Variants in NEBL observed in about 807,000 individuals in gnomAD.
NEBL encodes the protein LIM and SH3 protein 2.
A neutral mutation model predicts 140.2 loss-of-function variants in NEBL; 122 were observed. The observed-to-expected ratio is 0.87, with a 90% CI of 0.75 to 1.01. The LOEUF is 1.01. Ranked by LOEUF, NEBL falls within the 50% of genes least tolerant of loss-of-function variation. The pLI is 0.00. For synonymous variants in NEBL, 436 were observed against 398.9 expected, an observed-to-expected ratio of 1.09 and a Z score of -1.11; for missense variants, 1,365 against 1,231.3, an observed-to-expected ratio of 1.11 and a Z score of -1.62.
chr10:20,866,062 A>G (rs1456211718), intron 7 of NEBL, among the ~76,000 whole-genome samples: 1 of 152,152 alleles, frequency 6.6e-6, no homozygotes, highest in Admixed American at 6.6e-5. Flanking sequence ...ATCTTCAGTG[A>G]TGTCTTCTTT....
chr10:20,792,897 T>C (rs774003974), intron 26 of NEBL, among the ~76,000 whole-genome samples: 3 of 151,964 alleles, frequency 2.0e-5, no homozygotes, highest in Admixed American at 6.6e-5. Flanking sequence ...ACCTTTCTGC[T>C]CAAATTGCTT....
intron 2 of NEBL, among the ~76,000 whole-genome samples, chr10:21,117,667 C>T (rs1231913915): frequency 2.0e-5 from 3 of 152,098 alleles, no homozygotes; most frequent in Admixed American, 6.6e-5. Flanking sequence ...TAGTATGTTA[C>T]GTTGAGAGAG....
intron 2 of NEBL, among the ~76,000 whole-genome samples, chr10:21,148,899 C>T (rs1201464644): frequency 6.6e-6 from 1 of 152,170 alleles, no homozygotes; most frequent in Non-Finnish European, 1.5e-5. Context: ...TCTCACCTTC[C>T]CCTACCTTTC....
intron 2 of NEBL, chr10:21,030,446 A>C (rs544532526): frequency 8.9e-5 from 61 of 683,550 alleles, no homozygotes; most frequent in Non-Finnish European, 1.4e-4. Flanking sequence ...TCACTCTCCA[A>C]CTTCTAAATC....
At chr10:20,828,092 T>G (rs1840061581) in intron 17 of NEBL, among the ~76,000 whole-genome samples, 1 of 150,796 alleles carries the variant, frequency 6.6e-6, no homozygotes, top group Non-Finnish European at 1.5e-5. Context: ...AAAAAAAAAG[T>G]GCTGATGCAA....
chr10:20,804,128 G>C (rs1484312005), intron 26 of NEBL, among the ~76,000 whole-genome samples: 2 of 151,908 alleles, frequency 1.3e-5, no homozygotes, highest in Non-Finnish European at 2.9e-5. Flanking sequence ...GATCTTGTTG[G>C]GCATGCAGAG....
chr10:21,290,139 A>G (rs1843123085), intron 1 of NEBL, among the ~76,000 whole-genome samples: 1 of 152,222 alleles, frequency 6.6e-6, no homozygotes, highest in South Asian at 2.1e-4. Flanking sequence ...TGTGGTCCTC[A>G]GTGACACCCA....
At chr10:21,241,060 C>T (rs182175210) in intron 3 of NEBL, among the ~76,000 whole-genome samples, 1 of 152,002 alleles carries the variant, frequency 6.6e-6, no homozygotes, top group Non-Finnish European at 1.5e-5. Context: ...TTATTTTTAT[C>T]AGCTTCACAG....
At chr10:21,008,128 CGT>C (rs904531580) in intron 3 of NEBL, among the ~76,000 whole-genome samples, 36 of 151,920 alleles carry the variant, frequency 2.4e-4, no homozygotes, top group African/African-American at 8.7e-4. Context: ...TTATTATATA[CGT>C]GTGTGTGTAT....
chr10:20,808,835 T>A (rs1205340622), intron 25 of NEBL, among the ~76,000 whole-genome samples, 176 bp from the exon 26 acceptor site: 3 of 152,176 alleles, frequency 2.0e-5, no homozygotes, highest in African/African-American at 7.2e-5. Context: ...ATCAACTACA[T>A]GAATAACTTA....
At chr10:21,204,545 C>T (rs903080008) in intron 3 of NEBL, among the ~76,000 whole-genome samples, 26 of 152,110 alleles carry the variant, frequency 1.7e-4, no homozygotes, top group African/African-American at 6.3e-4. Context: ...TCACCAGAAA[C>T]TATACGGGCC....
At chr10:20,972,686 G>A (rs2131640767) in intron 3 of NEBL, among the ~76,000 whole-genome samples, 1 of 152,174 alleles carries the variant, frequency 6.6e-6, no homozygotes, top group South Asian at 2.1e-4. Context: ...GGCAGAGGCT[G>A]CAGTGAGCCA....
chr10:21,278,047 T>C (rs956367101), intron 1 of NEBL, among the ~76,000 whole-genome samples: 4 of 152,182 alleles, frequency 2.6e-5, no homozygotes, highest in Admixed American at 2.6e-4. Context: ...GCTGCTACTA[T>C]TACTACTAAC....
intron 2 of NEBL, among the ~76,000 whole-genome samples, chr10:20,891,771 G>A (rs1221463680): frequency 2.6e-5 from 4 of 151,618 alleles, no homozygotes; most frequent in South Asian, 4.2e-4. Context: ...CTTTACAATT[G>A]TACAATTCAA....
intron 26 of NEBL, among the ~76,000 whole-genome samples, chr10:20,807,882 T>C (rs531849219): frequency 1.1e-4 from 16 of 152,028 alleles, no homozygotes; most frequent in Non-Finnish European, 1.8e-4. Flanking sequence ...AGTTCTAGGC[T>C]TAATCCATCA....
chr10:21,242,040 C>A (rs1247173870), intron 3 of NEBL, among the ~76,000 whole-genome samples: 2 of 151,920 alleles, frequency 1.3e-5, no homozygotes, highest in Non-Finnish European at 2.9e-5. Flanking sequence ...CATGTGTACA[C>A]AAAATATAAA....
intron 24 of NEBL, among the ~76,000 whole-genome samples, chr10:20,811,765 G>C (rs1271782535): frequency 2.6e-5 from 4 of 152,148 alleles, no homozygotes; most frequent in African/African-American, 9.7e-5. Context: ...ACCTAACACT[G>C]ATATTACTGA....
At chr10:20,947,566 C>T (rs1589057910) in intron 4 of NEBL, among the ~76,000 whole-genome samples, 1 of 152,106 alleles carries the variant, frequency 6.6e-6, no homozygotes, top group Non-Finnish European at 1.5e-5. Flanking sequence ...CAGTAATAAT[C>T]GATGGAGTAA....
chr10:21,029,361 C>T, intron 2 of NEBL: 1 of 1,611,528 alleles, frequency 6.2e-7, no homozygotes, highest in Non-Finnish European at 8.5e-7. Flanking sequence ...GATTAATTAT[C>T]AGTGCAGTGC....
Sources: allele counts gnomAD v4.1 joint callset (sites outside exome capture counted in the v4.1 genomes callset), GRCh38; gene constraint gnomAD v4.1.1; transcripts MANE v1.5; gene names NCBI Gene and HGNC (gene_info 2026-07-23, HGNC 2026-07-21).